DLGAP1: variants seen among roughly 807,000 people sequenced by gnomAD.
DLGAP1 encodes the protein disks large-associated protein 1.
A neutral mutation model predicts 90.8 loss-of-function variants in DLGAP1; 11 were observed. The ratio of observed to expected loss-of-function variants is 0.12; its 90% CI spans 0.08 to 0.20. DLGAP1 has a LOEUF of 0.20. Ranked by LOEUF, DLGAP1 falls within the 10% of genes least tolerant of loss-of-function variation. The pLI is 1.00. For missense variants in DLGAP1, 1,050 were observed against 1,333.8 expected (o/e 0.79, Z 3.31); for synonymous variants, 558 against 540.7 (o/e 1.03, Z -0.44).
At chr18:3,765,814 A>G (rs1258843685) in intron 5 of DLGAP1, among the ~76,000 whole-genome samples, 6 of 152,186 alleles carry the variant, frequency 3.9e-5, no homozygotes, top group African/African-American at 1.4e-4. Context: ...AGCCTGGGCA[A>G]CAAGAGCAAA....
intron 1 of DLGAP1, among the ~76,000 whole-genome samples, chr18:4,400,387 C>G (rs744448): frequency 1.3e-5 from 2 of 152,156 alleles, no homozygotes; most frequent in Admixed American, 1.3e-4. Flanking sequence ...TTGTTCAGAA[C>G]GGAAAAAGGA....
At chr18:3,570,379 A>G (rs1221611419) in intron 8 of DLGAP1, among the ~76,000 whole-genome samples, 1 of 151,506 alleles carries the variant, frequency 6.6e-6, no homozygotes, top group East Asian at 2.0e-4. Flanking sequence ...CCCGGGTTCA[A>G]GTGATTCTCC....
intron 7 of DLGAP1, among the ~76,000 whole-genome samples, chr18:3,635,955 C>T (rs1272385173): frequency 1.3e-5 from 2 of 151,586 alleles, no homozygotes; most frequent in Non-Finnish European, 2.9e-5. Context: ...ACTTCATTCA[C>T]TGGCTTAAAG....
chr18:4,225,243 C>G (rs1290573696), intron 1 of DLGAP1, among the ~76,000 whole-genome samples: 1 of 152,098 alleles, frequency 6.6e-6, no homozygotes, highest in East Asian at 1.9e-4. Context: ...GGGGGTGCCA[C>G]TTAATGCAGT....
chr18:3,582,275 T>C, intron 7 of DLGAP1, 27 bp from the exon 8 acceptor site: 2 of 1,590,900 alleles, frequency 1.3e-6, no homozygotes, highest in South Asian at 1.1e-5. Flanking sequence ...ACAAAGACAA[T>C]GTGATTTCTG....
chr18:3,571,560 C>G (rs1246399017), intron 8 of DLGAP1: 1 of 152,098 alleles, frequency 6.6e-6, no homozygotes, highest in Non-Finnish European at 1.5e-5. Flanking sequence ...GGGACTCTCA[C>G]TCTGTCGCCC....
At chr18:4,089,908 G>A (rs1201762856) in intron 2 of DLGAP1, among the ~76,000 whole-genome samples, 3 of 152,156 alleles carry the variant, frequency 2.0e-5, no homozygotes, top group Non-Finnish European at 4.4e-5. Flanking sequence ...AGCCAGGTGC[G>A]GTGGCGGGCT....
intron 2 of DLGAP1, among the ~76,000 whole-genome samples, chr18:4,096,304 C>T (rs535246062): frequency 1.3e-5 from 2 of 152,112 alleles, no homozygotes; most frequent in African/African-American, 2.4e-5. Flanking sequence ...GGATTACAGG[C>T]GTGAGCCACT....
chr18:3,697,101 T>G (rs4798118), intron 7 of DLGAP1, among the ~76,000 whole-genome samples: 18,302 of 152,112 alleles, frequency 0.12, 2,280 homozygotes, highest in African/African-American at 0.32. Flanking sequence ...TCTTTATTAG[T>G]CTGGCTAGTG....
intron 1 of DLGAP1, among the ~76,000 whole-genome samples, chr18:4,247,626 A>C (rs1598720211): frequency 6.6e-6 from 1 of 151,978 alleles, no homozygotes; most frequent in Non-Finnish European, 1.5e-5. Flanking sequence ...AAATACAAAA[A>C]ATTAGCCAGG....
At chr18:3,807,918 A>G (rs2066644466) in intron 5 of DLGAP1, among the ~76,000 whole-genome samples, 1 of 152,132 alleles carries the variant, frequency 6.6e-6, no homozygotes, top group Admixed American at 6.6e-5. Context: ...TCCTTTCAAC[A>G]CAGGCTTCCT....
At chr18:3,723,120 C>G (rs2062035637) in intron 7 of DLGAP1, among the ~76,000 whole-genome samples, 1 of 152,050 alleles carries the variant, frequency 6.6e-6, no homozygotes, top group African/African-American at 2.4e-5. Flanking sequence ...GCTTTGTGGG[C>G]CAAAACATTC....
At chr18:3,569,924 C>A (rs1348347335) in intron 8 of DLGAP1, among the ~76,000 whole-genome samples, 1 of 151,926 alleles carries the variant, frequency 6.6e-6, no homozygotes, top group Admixed American at 6.6e-5. Flanking sequence ...ATGGAACTGT[C>A]CTGTGCAGAA....
At chr18:3,580,382 A>T in intron 8 of DLGAP1, 2 of 1,613,938 alleles carry the variant, frequency 1.2e-6, no homozygotes, top group Non-Finnish European at 1.7e-6. Context: ...TCAGAGCCAC[A>T]TACCTAAGCA....
At chr18:3,649,321 G>A in intron 7 of DLGAP1, among the ~76,000 whole-genome samples, 1 of 152,194 alleles carries the variant, frequency 6.6e-6, no homozygotes, top group Non-Finnish European at 1.5e-5. Context: ...GCCCCTGGCA[G>A]ATGCCACAGG....
chr18:4,414,438 T>TA (rs1444149981), intron 1 of DLGAP1, among the ~76,000 whole-genome samples: 2 of 152,114 alleles, frequency 1.3e-5, no homozygotes, highest in Non-Finnish European at 2.9e-5. Context: ...AGAATCATGA[T>TA]AAGGGCTGCG....
At chr18:4,002,651 C>T (rs1043588807) in intron 3 of DLGAP1, among the ~76,000 whole-genome samples, 15 of 152,136 alleles carry the variant, frequency 9.9e-5, no homozygotes, top group African/African-American at 3.6e-4. Context: ...ATCAGTAAGG[C>T]TTCCAGTCAA....
chr18:3,974,086 T>A (rs371530794), intron 3 of DLGAP1, among the ~76,000 whole-genome samples: 21 of 152,238 alleles, frequency 1.4e-4, no homozygotes, highest in East Asian at 3.9e-4. Context: ...TTTATTTTTT[T>A]TTTTTTTGAG....
At chr18:3,853,733 C>T (rs2069471093) in intron 4 of DLGAP1, among the ~76,000 whole-genome samples, 1 of 152,010 alleles carries the variant, frequency 6.6e-6, no homozygotes, top group Non-Finnish European at 1.5e-5. Context: ...ATGAGCATTT[C>T]CTTTGAGTGT....
Sources: allele counts gnomAD v4.1 joint callset (sites outside exome capture counted in the v4.1 genomes callset), GRCh38; gene constraint gnomAD v4.1.1; transcripts MANE v1.5; gene names NCBI Gene and HGNC (gene_info 2026-07-23, HGNC 2026-07-21).